Variants in SDK1 observed in about 807,000 individuals in gnomAD.
The protein encoded by SDK1 is protein sidekick-1.
SDK1 carries 157 observed loss-of-function variants against 245.5 expected under a neutral mutation model. That is an observed-to-expected ratio of 0.64 (90% confidence interval 0.56 to 0.73). SDK1 has a LOEUF of 0.73. Among genes scored for constraint, SDK1 ranks in the 30% least tolerant of loss-of-function variants. The pLI, the probability that SDK1 is intolerant of heterozygous loss-of-function variation, is 0.00. For synonymous variants in SDK1, 1,647 were observed against 1,278.5 expected (o/e 1.29, Z -6.15); for missense variants, 3,583 against 3,002.3 (o/e 1.19, Z -4.52).
intron 1 of SDK1, among the ~76,000 whole-genome samples, chr7:3,310,769 T>G (rs901874505): frequency 4.6e-5 from 7 of 152,168 alleles, no homozygotes; most frequent in African/African-American, 1.7e-4. Context: ...TAGCATACTG[T>G]TTAAGAGGAT....
intron 22 of SDK1, among the ~76,000 whole-genome samples, chr7:4,092,277 T>C (rs930031029): frequency 2.6e-5 from 4 of 152,206 alleles, no homozygotes; most frequent in Non-Finnish European, 5.9e-5. Context: ...AGGCTGTCTG[T>C]GGCTCTGTCC....
At chr7:3,699,970 C>A (rs1784693039) in intron 4 of SDK1, among the ~76,000 whole-genome samples, 1 of 145,184 alleles carries the variant, frequency 6.9e-6, no homozygotes, top group Admixed American at 7.0e-5. Context: ...CAGTACCTGA[C>A]ATATAGGGGG....
At chr7:3,943,096 G>C (rs1780430055) in intron 5 of SDK1, among the ~76,000 whole-genome samples, 1 of 152,214 alleles carries the variant, frequency 6.6e-6, no homozygotes. Context: ...TCCAGACACG[G>C]AAGACAGTGG....
intron 1 of SDK1, among the ~76,000 whole-genome samples, chr7:3,367,008 G>A (rs568819527): frequency 6.6e-6 from 1 of 152,254 alleles, no homozygotes; most frequent in East Asian, 1.9e-4. Context: ...CCAAAGTGCT[G>A]GGATTACAGG....
chr7:3,726,340 A>G (rs1192699653), intron 4 of SDK1, among the ~76,000 whole-genome samples: 1 of 152,232 alleles, frequency 6.6e-6, no homozygotes, highest in Non-Finnish European at 1.5e-5. Flanking sequence ...GCTTTTGGAT[A>G]TTAAGATAGT....
At chr7:3,905,812 A>G (rs1778888971) in intron 5 of SDK1, among the ~76,000 whole-genome samples, 1 of 151,980 alleles carries the variant, frequency 6.6e-6, no homozygotes, top group South Asian at 2.1e-4. Flanking sequence ...ATGTGGAGAT[A>G]AGTGTCTTGC....
At chr7:4,185,841 CAGGA>C (rs1235830510) in intron 35 of SDK1, among the ~76,000 whole-genome samples, 1 of 125,062 alleles carries the variant, frequency 8.0e-6, no homozygotes, top group Admixed American at 1.1e-4. Flanking sequence ...CACATTTAGA[CAGGA>C]AGGAAGGAAA....
intron 20 of SDK1, among the ~76,000 whole-genome samples, chr7:4,076,742 T>A (rs371805927): frequency 4.1e-4 from 63 of 152,220 alleles, no homozygotes; most frequent in African/African-American, 1.4e-3. Flanking sequence ...CTTATGAAGC[T>A]CGCCCTGGTA....
intron 4 of SDK1, among the ~76,000 whole-genome samples, chr7:3,771,274 T>C (rs1023180641): frequency 1.3e-5 from 2 of 152,062 alleles, no homozygotes; most frequent in African/African-American, 4.8e-5. Context: ...CCTCTTGGAA[T>C]TGGAGCTTGG....
intron 5 of SDK1, among the ~76,000 whole-genome samples, chr7:3,868,072 G>C (rs184049094): frequency 1.8e-3 from 281 of 152,164 alleles, no homozygotes; most frequent in African/African-American, 6.1e-3. Flanking sequence ...GGCATATTTG[G>C]CTGCCATCAT....
intron 36 of SDK1, among the ~76,000 whole-genome samples, chr7:4,207,425 T>C (rs1212027960): frequency 6.6e-6 from 1 of 152,138 alleles, no homozygotes; most frequent in Non-Finnish European, 1.5e-5. Context: ...ACCTTTGTGC[T>C]TGGGCGTCAA....
Position 4,139,727 on chromosome 7 carries a change from G to T in SDK1, c.4229-5995G>T, listed in dbSNP as rs1285731057. Among the ~76,000 whole-genome samples the T allele has an allele frequency of 1.2e-3, 168 of 142,196 alleles. 10 individuals carry two copies. The highest frequency in any genetic ancestry group is 4.3e-3 in the African/African-American group (157 of 36,202). 93.3% of individuals were successfully genotyped at this position (142,196 alleles called of 152,430 possible). On this transcript the variant is annotated intron_variant, in intron 28 of 44. Coordinates refer to ENST00000404826, the MANE Select transcript of SDK1 (RefSeq NM_152744.4). ...TGTATGTGTGTGTGTGTGTATGTGTGTGTGTGTGTATGTGTGTGTGTGTGT... is the reference window on the plus strand; with the variant it reads ...TGTATGTGTGTGTGTGTGTATGTGTTTGTGTGTGTATGTGTGTGTGTGTGT...
chr7:4,199,085 G>C (rs1281539758), intron 35 of SDK1, among the ~76,000 whole-genome samples: 1 of 152,190 alleles, frequency 6.6e-6, no homozygotes, highest in Non-Finnish European at 1.5e-5. Context: ...AAAGTGCTGG[G>C]ATTACAGGTG....
At chr7:4,190,324 AG>A (rs1367043597) in intron 35 of SDK1, among the ~76,000 whole-genome samples, 2 of 152,194 alleles carry the variant, frequency 1.3e-5, no homozygotes, top group East Asian at 3.9e-4. Flanking sequence ...TGCTGCGTAC[AG>A]GGCTGTCTAC....
At position 3,870,424 on chromosome 7, in the gene SDK1, G is replaced by T. The variant is rs372286463; in HGVS notation, c.847+48841G>T. The stretch of plus-strand genomic sequence containing the variant: ...ATGTAGGTGTTATACTGAACAAGAA[G>T]GACTTAGCGGGTGTCATAATTTTAA... On this transcript the variant is annotated intron_variant, in intron 5 of 44. Coordinates refer to ENST00000404826, the MANE Select transcript of SDK1 (RefSeq NM_152744.4). Among the ~76,000 whole-genome samples the T allele has an allele frequency of 2.0e-5, 3 of 152,248 alleles. No homozygotes were observed. In the South Asian group the frequency reaches 6.2e-4, roughly 32 times the overall value.
chr7:3,707,669 G>T (rs1384385741), intron 4 of SDK1, among the ~76,000 whole-genome samples: 1 of 152,040 alleles, frequency 6.6e-6, no homozygotes, highest in Non-Finnish European at 1.5e-5. Flanking sequence ...CCCTATTATC[G>T]TGTTTCTGTT....
intron 8 of SDK1, among the ~76,000 whole-genome samples, chr7:3,959,621 A>T (rs879010207): frequency 6.6e-6 from 1 of 152,116 alleles, no homozygotes; most frequent in Admixed American, 6.5e-5. Flanking sequence ...CTCTGCATCC[A>T]TGTGCACATG....
At chr7:3,412,271 C>T (rs1342028656) in intron 1 of SDK1, among the ~76,000 whole-genome samples, 1 of 152,196 alleles carries the variant, frequency 6.6e-6, no homozygotes, top group Non-Finnish European at 1.5e-5. Flanking sequence ...CCCAGAGTCA[C>T]TGTGCATAAT....
rs112464438 is a variant in SDK1 at position 3,997,917 on chromosome 7, G to A, written c.2131+10595G>A. On this transcript the variant is annotated intron_variant, in intron 14 of 44. Coordinates refer to ENST00000404826, the MANE Select transcript of SDK1 (RefSeq NM_152744.4). ...AGATCAGAGTGGGTGCCAACAGCAG[G>A]GAGCAGCCAAGCAGTGAGAGCAGGC... 7.9e-3 allele frequency among the ~76,000 whole-genome samples: 1,208 copies of A among 152,330 alleles called. 23 individuals are homozygous for A. Among genetic ancestry groups the A allele is most frequent in the African/African-American group, 0.027 (1,140 of 41,580 alleles).
Sources: allele counts gnomAD v4.1 joint callset (sites outside exome capture counted in the v4.1 genomes callset), GRCh38; gene constraint gnomAD v4.1.1; transcripts MANE v1.5; gene names NCBI Gene and HGNC (gene_info 2026-07-23, HGNC 2026-07-21).